Variants in LRRIQ1 observed in about 807,000 individuals in gnomAD.
The protein encoded by LRRIQ1 is leucine-rich repeat- and IQ domain-containing protein 1.
LRRIQ1 carries 210 observed loss-of-function variants against 211.9 expected under a neutral mutation model. That is an observed-to-expected ratio of 0.99 (90% CI 0.89 to 1.11). The LOEUF is 1.11. Among genes scored for constraint, LRRIQ1 ranks in the 50% most tolerant of loss-of-function variants. The pLI is 0.00. For synonymous variants in LRRIQ1, 699 were observed against 650.1 expected, an observed-to-expected ratio of 1.08 and a Z score of -1.14; for missense variants, 2,136 against 1,939.5, an observed-to-expected ratio of 1.10 and a Z score of -1.90.
At chr12:85,222,278 A>T (rs2137135307) in intron 24 of LRRIQ1, among the ~76,000 whole-genome samples, 1 of 152,258 alleles carries the variant, frequency 6.6e-6, no homozygotes, top group East Asian at 1.9e-4. Flanking sequence ...TTATACGGAG[A>T]GAGTATAGCC....
intron 17 of LRRIQ1, 109 bp downstream of exon 17, chr12:85,124,628 A>T: frequency 4.8e-6 from 4 of 826,948 alleles, no homozygotes; most frequent in Non-Finnish European, 7.6e-6. Context: ...AATCACAATC[A>T]TATTTCATAC....
At chr12:85,191,736 G>A (rs944762268) in intron 24 of LRRIQ1, among the ~76,000 whole-genome samples, 7 of 151,944 alleles carry the variant, frequency 4.6e-5, no homozygotes, top group African/African-American at 1.7e-4. Context: ...AATGGCCAAC[G>A]TGACTGTACC....
chr12:85,127,948 A>G lies in LRRIQ1; in HGVS notation c.4124A>G (p.Lys1375Arg). ...ATEGLPNSSI[K>R]NQTILKKGKR... is the part of the protein sequence containing the mutation. ...GAAGGCCTGCCAAATTCTTCCATCA[A>G]GAATCAGACTATTTTAAAGAAAGGA... Residue 1375 changes from lysine to arginine, a missense_variant, in exon 18 of 27, where the codon AAG becomes AGG. Physicochemically the swap from Lys to Arg is conservative, Grantham distance 26. Coordinates refer to ENST00000393217, the MANE Select transcript of LRRIQ1 (RefSeq NM_001079910.2). 6.2e-7 allele frequency: 1 copy of G among 1,613,898 alleles called. No homozygotes were observed. The highest frequency in any genetic ancestry group is 1.7e-5 in the Admixed American group (1 of 60,014).
chr12:85,230,345 A>G (rs529058758), intron 25 of LRRIQ1, among the ~76,000 whole-genome samples: 1 of 152,320 alleles, frequency 6.6e-6, no homozygotes, highest in South Asian at 2.1e-4. Flanking sequence ...AGGTGTCAGC[A>G]GGTTTAGTAT....
chr12:85,138,232 G>A lies in LRRIQ1; in HGVS notation c.4329+263G>A, dbSNP rs73182429. Among the ~76,000 whole-genome samples, 735 of 151,532 alleles carry A rather than the reference G, an allele frequency of 4.9e-3. 4 individuals carry two copies. The highest frequency in any genetic ancestry group is 8.3e-3 in the Non-Finnish European group (560 of 67,612). On this transcript the variant is annotated intron_variant, in intron 19 of 26. Transcript: ENST00000393217. ...TTATCAAAATTAGGGAATTAACATT[G>A]ATGTAATACTATGATCTAATCAACC... is the stretch of plus-strand genomic sequence containing the variant.
At chr12:85,200,965 G>A (rs1229724310) in intron 24 of LRRIQ1, among the ~76,000 whole-genome samples, 1 of 150,950 alleles carries the variant, frequency 6.6e-6, no homozygotes, top group African/African-American at 2.5e-5. Context: ...GACTGCAGGT[G>A]CACGCCACCA....
chr12:85,163,785 A>G (rs954399199), intron 24 of LRRIQ1, among the ~76,000 whole-genome samples: 1 of 152,060 alleles, frequency 6.6e-6, no homozygotes. Context: ...ATAAGGTAAA[A>G]TATTATACCA....
chr12:85,169,025 A>C (rs974017847), intron 24 of LRRIQ1, among the ~76,000 whole-genome samples: 12 of 152,186 alleles, frequency 7.9e-5, no homozygotes, highest in African/African-American at 2.4e-4. Flanking sequence ...AAATTATTAT[A>C]TACCATATAA....
Position 85,233,568 on chromosome 12 carries a change from T to C in LRRIQ1, c.5016+812T>C, listed in dbSNP as rs776988827. Among the ~76,000 whole-genome samples, 122 of 152,278 alleles carry C rather than the reference T, an allele frequency of 8.0e-4. No individual in the cohort carries two copies. In the Middle Eastern group the frequency reaches 0.02, roughly 25 times the overall value. ...TTATATTAAAAGATCATGTGATTCTTGAATGAAATGAGTATTATGATTTCC... is the reference window on the plus strand; with the variant it reads ...TTATATTAAAAGATCATGTGATTCTCGAATGAAATGAGTATTATGATTTCC... On this transcript the variant is annotated intron_variant, in intron 26 of 26. Transcript: ENST00000393217.
intron 19 of LRRIQ1, among the ~76,000 whole-genome samples, chr12:85,140,199 C>A (rs1889429610): frequency 6.6e-6 from 1 of 151,310 alleles, no homozygotes; most frequent in Admixed American, 6.6e-5. Flanking sequence ...GCTTTCCTCA[C>A]TTCAGTTTTC....
chr12:85,235,216 T>A (rs1895120512), intron 26 of LRRIQ1, among the ~76,000 whole-genome samples: 1 of 152,168 alleles, frequency 6.6e-6, no homozygotes, highest in African/African-American at 2.4e-5. Flanking sequence ...TCCAAAAATA[T>A]ATCAGAAGTC....
chr12:85,124,668 T>A lies in LRRIQ1; in HGVS notation c.4007+149T>A, dbSNP rs544403583. On this transcript the variant is annotated intron_variant, in intron 17 of 26. Coordinates refer to ENST00000393217, the MANE Select transcript of LRRIQ1 (RefSeq NM_001079910.2). The stretch of plus-strand genomic sequence containing the variant: ...TCCATTATGTTTTCGTGAGGTGCAT[T>A]ATGTTTTCATGAGGTGCACAAATCA... The A allele has an allele frequency of 1.7e-5, 11 of 633,432 alleles. No homozygotes were observed. In the East Asian group the frequency reaches 2.8e-4, roughly 16 times the overall value. The allele number at this position is 633,432 out of a possible 1,614,324, so 39.2% of individuals were successfully genotyped here. A position where few individuals can be genotyped will look rare whatever the true frequency, so the allele number is the denominator to read the frequency against.
intron 14 of LRRIQ1, among the ~76,000 whole-genome samples, chr12:85,106,059 G>A (rs534469915): frequency 2.9e-4 from 44 of 152,204 alleles, no homozygotes; most frequent in African/African-American, 1.0e-3. Flanking sequence ...GCCTCCCAAA[G>A]TGCTGGGATT....
intron 24 of LRRIQ1, among the ~76,000 whole-genome samples, chr12:85,214,620 G>C (rs1374533326): frequency 1.3e-5 from 2 of 151,906 alleles, no homozygotes; most frequent in South Asian, 2.1e-4. Flanking sequence ...TGTTATAGAG[G>C]TTGCATTCCA....
At position 85,084,799 on chromosome 12, in the gene LRRIQ1, G is replaced by A. The variant is rs530775602; in HGVS notation, c.2887+11701G>A. Among the ~76,000 whole-genome samples, 4 of 152,008 alleles carry A rather than the reference G, an allele frequency of 2.6e-5. No homozygotes were observed. In the East Asian group the frequency reaches 7.8e-4, roughly 29 times the overall value. On this transcript the variant is annotated intron_variant, in intron 11 of 26. Coordinates refer to ENST00000393217, the MANE Select transcript of LRRIQ1 (RefSeq NM_001079910.2). ...AAATTAGCCAGGCATGGTGGCGCAT[G>A]CCTGTAGTCCCAGTTACTTGGTAGG...
intron 1 of LRRIQ1, among the ~76,000 whole-genome samples, chr12:85,260,473 CTT>C (rs1360751898): frequency 6.6e-6 from 1 of 152,120 alleles, no homozygotes; most frequent in African/African-American, 2.4e-5. Flanking sequence ...AGGCACTTGA[CTT>C]AGCTTACTGT....
chr12:85,214,171 C>A (rs1565907546), intron 24 of LRRIQ1, among the ~76,000 whole-genome samples: 1 of 151,838 alleles, frequency 6.6e-6, no homozygotes, highest in African/African-American at 2.4e-5. Flanking sequence ...ATACATCTAA[C>A]AAGAGATGCA....
rs1157177399 is a variant in LRRIQ1 at position 85,040,600 on chromosome 12, A to G, written c.243A>G (p.Leu81=). The change falls in exon 3 of 27, where the codon TTA becomes TTG. Residue 81 remains leucine (L), a splice_region_variant and synonymous_variant. Transcript: ENST00000393217. ...AGGACCTGGAAGATACTGATATTTT[A>G]AGTAAGTACTATTTTCATCTGTCTG... ...ILQDLEDTDI[L]SCSYGAVSNN... The G allele has an allele frequency of 6.5e-7, 1 of 1,535,432 alleles. No homozygotes were observed. The highest frequency in any genetic ancestry group is 9.0e-7 in the Non-Finnish European group (1 of 1,115,406).
intron 26 of LRRIQ1, among the ~76,000 whole-genome samples, chr12:85,242,350 A>G (rs964995491): frequency 6.6e-6 from 1 of 151,996 alleles, no homozygotes; most frequent in African/African-American, 2.4e-5. Flanking sequence ...AAAATGATAC[A>G]AATAAAAAAA....
Sources: gnomAD v4.1 joint callset for allele counts (sites outside exome capture counted in the v4.1 genomes callset) on GRCh38, gnomAD v4.1.1 for gene constraint, MANE v1.5 for transcripts, NCBI Gene and HGNC (gene_info 2026-07-23, HGNC 2026-07-21) for gene names.